FANCA: variants seen among roughly 807,000 people sequenced by gnomAD.
FANCA encodes FA complementation group A.
Under a neutral mutation model 194.3 loss-of-function variants are expected in FANCA, and 236 were observed. The observed-to-expected ratio is 1.21, with a 90% confidence interval of 1.09 to 1.35. FANCA has a LOEUF of 1.35. Ranked by LOEUF, FANCA falls within the 40% of genes most tolerant of loss-of-function variation. The probability of loss-of-function intolerance (pLI) is 0.00; values close to 1 mark genes in which losing one functional copy is unlikely to be tolerated. For missense variants in FANCA, 2,628 were observed against 1,813.9 expected (o/e 1.45, Z -8.15); for synonymous variants, 1,014 against 715.8 (o/e 1.42, Z -6.65).
intron 42 of FANCA, 59 bp downstream of exon 42, chr16:89,738,823 C>G (rs773238151): frequency 6.2e-7 from 1 of 1,614,076 alleles, no homozygotes; most frequent in Admixed American, 1.7e-5. Context: ...GCACATGGCC[C>G]AGGCAGCTGT....
chr16:89,815,752 C>A (rs2041087628), intron 2 of FANCA, 125 bp downstream of exon 2: 1 of 799,180 alleles, frequency 1.3e-6, no homozygotes. Context: ...AGGCGACCCT[C>A]CCCTCTGCGG....
intron 22 of FANCA, among the ~76,000 whole-genome samples, chr16:89,772,933 G>C (rs1402633890): frequency 1.3e-5 from 2 of 152,196 alleles, no homozygotes; most frequent in East Asian, 3.8e-4. Flanking sequence ...CAGAGACCCT[G>C]TGTGTCTGAT....
intron 36 of FANCA, among the ~76,000 whole-genome samples, chr16:89,744,533 C>T (rs12917681): frequency 3.9e-5 from 6 of 151,954 alleles, no homozygotes; most frequent in East Asian, 1.9e-4. Context: ...TACCAGCACG[C>T]GGTGCACTCT....
chr16:89,770,143 G>T (rs1800342), intron 25 of FANCA, 23 bp downstream of exon 25: 1 of 1,575,388 alleles, frequency 6.3e-7, no homozygotes, highest in Non-Finnish European at 8.6e-7. Flanking sequence ...CCCAAGGGTG[G>T]CCCCCATGAA....
chr16:89,770,123 A>G (rs1289730041), intron 25 of FANCA, 43 bp downstream of exon 25: 1 of 1,570,372 alleles, frequency 6.4e-7, no homozygotes, highest in South Asian at 1.2e-5. Flanking sequence ...CCTGGCCCTC[A>G]GAGTGGGCCC....
intron 9 of FANCA, 113 bp downstream of exon 9, chr16:89,799,492 A>G (rs1466962914): frequency 1.8e-6 from 2 of 1,126,308 alleles, no homozygotes; most frequent in Admixed American, 3.4e-5. Context: ...AGGACTCTGC[A>G]CAGTGAAACA....
At chr16:89,756,674 G>A (rs532170410) in intron 30 of FANCA, among the ~76,000 whole-genome samples, 1 of 152,286 alleles carries the variant, frequency 6.6e-6, no homozygotes, top group Non-Finnish European at 1.5e-5. Flanking sequence ...AACAAACAAA[G>A]TGAATGGATA....
rs1443801693 is a variant in FANCA at position 89,815,932 on chromosome 16, T to C, written c.134A>G (p.Glu45Gly). Residue 45 changes from glutamate (E) to glycine (G), a missense_variant, in exon 2 of 43, where the codon GAA becomes GGA. Transcript: ENST00000389301. ...YNPERAQKLK[E>G]SAVRLLRSHQ... ...GCTTCGCAGGAGGCGCACAGCTGAT[T>C]CCTTTAATTTCTGTGCCCTTTCAGG... 6.2e-7 allele frequency: 1 copy of C among 1,614,134 alleles called. No homozygotes were observed. The highest frequency in any genetic ancestry group is 1.1e-5 in the South Asian group (1 of 91,084).
rs1400044983 is a variant in FANCA, at chr16:89,770,005, G to A, written c.2336C>T (p.Pro779Leu). The change falls in exon 26 of 43, where the codon CCA becomes CTA. Residue 779 changes from proline to leucine, a missense_variant. Physicochemically the swap from Pro to Leu is moderately conservative, Grantham distance 98 (BLOSUM62 -3). Transcript: ENST00000389301. ...CAGGGCAGCCAACCCCAGCACATGT[G>A]GGGCACTCAGGCTCGGGCCCTGCAA... is the stretch of plus-strand genomic sequence containing the variant. ...LRHQGPSLSA[P>L]HVLGLAALAV... 7 of 1,613,640 alleles carry A rather than the reference G, an allele frequency of 4.3e-6. No homozygotes were observed. The highest frequency in any genetic ancestry group is 1.7e-5 in the Admixed American group (1 of 59,998).
intron 36 of FANCA, chr16:89,744,712 G>A (rs1035570800): frequency 1.0e-4 from 55 of 538,382 alleles, no homozygotes; most frequent in Non-Finnish European, 1.6e-4. Flanking sequence ...TCTATTGGCC[G>A]TTGGAGTGAT....
intron 28 of FANCA, among the ~76,000 whole-genome samples, chr16:89,763,163 C>A (rs1435024720): frequency 6.6e-6 from 1 of 151,982 alleles, no homozygotes; most frequent in African/African-American, 2.4e-5. Context: ...AGGAGAATCC[C>A]TTGAACCCAG....
intron 28 of FANCA, among the ~76,000 whole-genome samples, chr16:89,763,033 G>C (rs1409311469): frequency 6.6e-6 from 1 of 150,966 alleles, no homozygotes; most frequent in African/African-American, 2.4e-5. Flanking sequence ...GGATGATGAG[G>C]TCAGGAGATT....
At chr16:89,761,901 A>G (rs1567612243) in intron 29 of FANCA, 48 bp downstream of exon 29, 1 of 1,449,044 alleles carries the variant, frequency 6.9e-7, no homozygotes. Context: ...CTGGGATTAT[A>G]GGTGTGAGCC....
chr16:89,765,116 T>C lies in FANCA; in HGVS notation c.2602-50A>G, dbSNP rs1327700451. On this transcript the variant is annotated intron_variant, in intron 27 of 42. Transcript: ENST00000389301. ...TTTCTTCATTGCGCAAGTTTCACTG[T>C]GAGTGGCTGAGCAAATGCTCAGGTG... The C allele has an allele frequency of 1.9e-6, 3 of 1,601,350 alleles. No homozygotes were observed. In the South Asian group the frequency reaches 3.3e-5, roughly 18 times the overall value.
rs550064744 is a variant in FANCA at position 89,778,821 on chromosome 16, C to T, written c.1806G>A (p.Ala602=). 36 of 1,614,006 alleles carry T rather than the reference C, an allele frequency of 2.2e-5. No individual in the cohort carries two copies. The highest frequency in any genetic ancestry group is 1.9e-4 in the African/African-American group (14 of 75,002). Residue 602 remains alanine (A), a synonymous_variant, in exon 20 of 43, where the codon GCG becomes GCA. Transcript: ENST00000389301. ...CATACCTCTTCAGAGACTCTATAAA[C>T]GCCACACGGGAGTCAGGGACTTTGG... ...VLPKVPDSRV[A]FIESLKRADK... is the part of the protein sequence containing the mutation.
At chr16:89,786,831 C>G (rs982445664) in intron 14 of FANCA, among the ~76,000 whole-genome samples, 1 of 152,166 alleles carries the variant, frequency 6.6e-6, no homozygotes, top group Non-Finnish European at 1.5e-5. Context: ...TGAGACCACT[C>G]AAGGGTTCCC....
chr16:89,794,629 A>G (rs1341249197), intron 11 of FANCA, among the ~76,000 whole-genome samples: 1 of 152,196 alleles, frequency 6.6e-6, no homozygotes, highest in Non-Finnish European at 1.5e-5. Flanking sequence ...CAGTCAAGTG[A>G]TGATAAACTC....
chr16:89,762,142 T>C (rs1046554158), intron 28 of FANCA, 120 bp from the exon 29 acceptor site: 4 of 807,346 alleles, frequency 5.0e-6, no homozygotes, highest in Non-Finnish European at 8.8e-6. Flanking sequence ...TGTGTTATAA[T>C]GAAATTGCAG....
At chr16:89,792,144 A>G in intron 12 of FANCA, 76 bp from the exon 13 acceptor site, 2 of 1,573,806 alleles carry the variant, frequency 1.3e-6, no homozygotes, top group Non-Finnish European at 1.7e-6. Flanking sequence ...CCTTCCTCCC[A>G]GCCGGTGGCC....
Sources: allele counts gnomAD v4.1 joint callset (sites outside exome capture counted in the v4.1 genomes callset), GRCh38; gene constraint gnomAD v4.1.1; transcripts MANE v1.5; gene names NCBI Gene and HGNC (gene_info 2026-07-23, HGNC 2026-07-21).